RBFOX1: variants seen among roughly 807,000 people sequenced by gnomAD.
RBFOX1 encodes RNA binding fox-1 homolog 1.
A neutral mutation model predicts 57.7 loss-of-function variants in RBFOX1; 8 were observed. The ratio of observed to expected loss-of-function variants is 0.14; its 90% CI spans 0.08 to 0.25. RBFOX1 has a LOEUF of 0.25. Among genes scored for constraint, RBFOX1 ranks in the 10% least tolerant of loss-of-function variants. The pLI is 1.00. For synonymous variants in RBFOX1, 326 were observed against 222.4 expected (o/e 1.47, Z -4.15); for missense variants, 611 against 548.5 (o/e 1.11, Z -1.14).
At chr16:6,407,505 CAGAG>C (rs763632142) in intron 2 of RBFOX1, among the ~76,000 whole-genome samples, 15 of 141,100 alleles carry the variant, frequency 1.1e-4, no homozygotes, top group African/African-American at 2.4e-4. Flanking sequence ...GAGGCAGAGA[CAGAG>C]AGAAAGAGAG....
intron 4 of RBFOX1, among the ~76,000 whole-genome samples, chr16:7,097,859 A>C (rs912409477): frequency 1.3e-5 from 2 of 152,222 alleles, no homozygotes; most frequent in African/African-American, 4.8e-5. Context: ...GTTAGGGAGA[A>C]GGGGTTGGGG....
intron 3 of RBFOX1, among the ~76,000 whole-genome samples, chr16:6,745,177 A>T (rs2073279519): frequency 6.6e-6 from 1 of 152,148 alleles, no homozygotes; most frequent in Non-Finnish European, 1.5e-5. Context: ...AATAAATTAA[A>T]TCTGGAGTTG....
At chr16:7,129,412 G>C (rs2069578654) in intron 4 of RBFOX1, among the ~76,000 whole-genome samples, 1 of 152,132 alleles carries the variant, frequency 6.6e-6, no homozygotes, top group South Asian at 2.1e-4. Flanking sequence ...TCAAAGGAAA[G>C]TTATTTTCAG....
intron 4 of RBFOX1, among the ~76,000 whole-genome samples, chr16:5,968,307 T>A (rs770540926): frequency 2.1e-4 from 32 of 152,100 alleles, no homozygotes; most frequent in Non-Finnish European, 4.1e-4. Flanking sequence ...ACTCCTGACA[T>A]CACATGATCC....
intron 4 of RBFOX1, among the ~76,000 whole-genome samples, chr16:7,207,176 T>C (rs534116278): frequency 6.6e-6 from 1 of 152,354 alleles, no homozygotes; most frequent in African/African-American, 2.4e-5. Context: ...TTTTCTTTTA[T>C]AGCATCTTCA....
intron 13 of RBFOX1, among the ~76,000 whole-genome samples, chr16:7,667,661 G>T (rs12444388): frequency 6.6e-6 from 1 of 151,866 alleles, no homozygotes; most frequent in Non-Finnish European, 1.5e-5. Flanking sequence ...CAGATACCTC[G>T]AATAGATTTA....
intron 1 of RBFOX1, among the ~76,000 whole-genome samples, chr16:6,173,929 AGAGCT>A: frequency 6.6e-6 from 1 of 152,174 alleles, no homozygotes; most frequent in South Asian, 2.1e-4. Flanking sequence ...GTCAGAGGAA[AGAGCT>A]GTCCCTTTTG....
At chr16:7,439,160 A>C (rs1363520299) in intron 4 of RBFOX1, among the ~76,000 whole-genome samples, 1 of 152,134 alleles carries the variant, frequency 6.6e-6, no homozygotes, top group Non-Finnish European at 1.5e-5. Context: ...TTCTTTACGC[A>C]GGCCTTCGCG....
intron 2 of RBFOX1, among the ~76,000 whole-genome samples, chr16:6,346,986 G>C (rs1258474884): frequency 1.3e-5 from 2 of 152,098 alleles, no homozygotes; most frequent in East Asian, 3.9e-4. Flanking sequence ...GTCTTTCCAT[G>C]TACAGCCTTG....
chr16:6,094,442 A>G (rs1229325071), intron 1 of RBFOX1, among the ~76,000 whole-genome samples: 5 of 152,242 alleles, frequency 3.3e-5, no homozygotes, highest in African/African-American at 7.2e-5. Context: ...AGAGAAAGGC[A>G]GAATTAATCA....
At chr16:7,087,374 A>T (rs969133937) in intron 4 of RBFOX1, among the ~76,000 whole-genome samples, 1 of 152,034 alleles carries the variant, frequency 6.6e-6, no homozygotes, top group African/African-American at 2.4e-5. Flanking sequence ...CTGTCTGTTG[A>T]TGATCAACAC....
At chr16:5,438,545 G>T (rs996348845) in intron 1 of RBFOX1, among the ~76,000 whole-genome samples, 13 of 152,098 alleles carry the variant, frequency 8.5e-5, no homozygotes, top group African/African-American at 2.9e-4. Context: ...TGCAGGAAAG[G>T]CTCCCCACCC....
At chr16:5,922,791 G>T (rs1052390614) in intron 4 of RBFOX1, among the ~76,000 whole-genome samples, 1 of 152,148 alleles carries the variant, frequency 6.6e-6, no homozygotes, top group Admixed American at 6.5e-5. Context: ...GGAATTCAGG[G>T]GCTAACGCTC....
At chr16:7,518,052 G>A in intron 4 of RBFOX1, 95 bp from the exon 5 acceptor site, 3 of 1,461,528 alleles carry the variant, frequency 2.1e-6, no homozygotes, top group East Asian at 2.3e-5. Flanking sequence ...TAGAAAGTAC[G>A]CGGGGCACGA....
intron 1 of RBFOX1, among the ~76,000 whole-genome samples, chr16:5,321,931 T>C (rs1168123948): frequency 6.6e-6 from 1 of 152,126 alleles, no homozygotes; most frequent in Non-Finnish European, 1.5e-5. Flanking sequence ...TGCTCATTGC[T>C]CTCTTGCTAC....
At chr16:5,387,681 G>A (rs573550676) in intron 1 of RBFOX1, among the ~76,000 whole-genome samples, 1 of 152,344 alleles carries the variant, frequency 6.6e-6, no homozygotes, top group South Asian at 2.1e-4. Flanking sequence ...GGCATGAAAG[G>A]TGGAATGTTT....
chr16:7,552,530 C>G (rs2086876934), intron 5 of RBFOX1, among the ~76,000 whole-genome samples: 1 of 152,102 alleles, frequency 6.6e-6, no homozygotes, highest in Non-Finnish European at 1.5e-5. Context: ...ATGATGCTTT[C>G]TAAGGCGAGA....
At chr16:5,733,377 C>G (rs1266192439) in intron 3 of RBFOX1, among the ~76,000 whole-genome samples, 2 of 152,146 alleles carry the variant, frequency 1.3e-5, no homozygotes, top group South Asian at 2.1e-4. Flanking sequence ...GGGGAAGCAA[C>G]TTACCATGAT....
intron 3 of RBFOX1, among the ~76,000 whole-genome samples, chr16:6,948,421 C>G (rs1331397694): frequency 1.9e-5 from 1 of 52,208 alleles, no homozygotes; most frequent in South Asian, 6.6e-4. Flanking sequence ...GAGTTTTACT[C>G]TGTTGCCCAG....
Sources: allele counts gnomAD v4.1 joint callset (sites outside exome capture counted in the v4.1 genomes callset), GRCh38; gene constraint gnomAD v4.1.1; transcripts MANE v1.5; gene names NCBI Gene and HGNC (gene_info 2026-07-23, HGNC 2026-07-21).